Variants in EXOC6 observed in about 807,000 individuals in gnomAD.
EXOC6 encodes exocyst complex component 6.
Under a neutral mutation model 112.5 loss-of-function variants are expected in EXOC6, and 60 were observed. The observed-to-expected ratio is 0.53, with a 90% CI of 0.43 to 0.66. The LOEUF is 0.66. EXOC6 is among the 30% of genes least tolerant of loss of function. EXOC6 has a pLI of 0.00. For missense variants in EXOC6, 855 were observed against 957.1 expected, an observed-to-expected ratio of 0.89 and a Z score of 1.41; for synonymous variants, 295 against 308.0, an observed-to-expected ratio of 0.96 and a Z score of 0.44.
chr10:93,009,411 G>A (rs548915105), intron 19 of EXOC6, among the ~76,000 whole-genome samples: 175 of 152,084 alleles, frequency 1.2e-3, no homozygotes, highest in African/African-American at 4.1e-3. Flanking sequence ...AACTTTCATT[G>A]AATACTCATT....
At chr10:92,832,381 G>A (rs1481403056), upstream of EXOC6, among the ~76,000 whole-genome samples, 1 of 152,144 alleles carries the variant, frequency 6.6e-6, no homozygotes, top group African/African-American at 2.4e-5. Context: ...GGGTTCAAGC[G>A]ATTCGCCTGC....
chr10:92,836,215 T>C (rs775119098), intron 1 of EXOC6, among the ~76,000 whole-genome samples: 15 of 152,212 alleles, frequency 9.9e-5, no homozygotes, highest in Non-Finnish European at 2.2e-4. Flanking sequence ...CTCCCCGGTC[T>C]CACAACACTG....
At chr10:92,955,844 A>G in intron 17 of EXOC6, 130 bp downstream of exon 17, 2 of 754,492 alleles carry the variant, frequency 2.7e-6, no homozygotes, top group Non-Finnish European at 4.1e-6. Flanking sequence ...ATTCATTGTC[A>G]ACAATGAGCA....
intron 18 of EXOC6, among the ~76,000 whole-genome samples, chr10:92,985,212 G>A (rs1842958061): frequency 6.6e-6 from 1 of 151,920 alleles, no homozygotes; most frequent in Non-Finnish European, 1.5e-5. Context: ...CCCTCTGGGT[G>A]GGGGATCATT....
chr10:93,003,478 A>T (rs1308583833), intron 19 of EXOC6, among the ~76,000 whole-genome samples: 9 of 152,020 alleles, frequency 5.9e-5, no homozygotes, highest in Admixed American at 5.9e-4. Flanking sequence ...ATTCCTTGTG[A>T]CGGGTGACAC....
Position 93,046,796 on chromosome 10 carries a change from C to G in EXOC6, c.2170-10128C>G, listed in dbSNP as rs111944980. Among the ~76,000 whole-genome samples, 509 of 152,162 alleles carry G rather than the reference C, an allele frequency of 3.3e-3. 1 individual carries two copies. Among genetic ancestry groups the G allele is most frequent in the Admixed American group, 6.2e-3 (94 of 15,280 alleles). ...ATTTTTAAGTAGAGATGGGGTTTCA[C>G]CATGTTGGCCAGGCTGGTCTTGAAC... On this transcript the variant is annotated intron_variant, in intron 20 of 21. Coordinates refer to ENST00000260762, the MANE Select transcript of EXOC6 (RefSeq NM_019053.6).
intron 18 of EXOC6, among the ~76,000 whole-genome samples, chr10:92,982,912 C>T (rs534972714): frequency 4.6e-5 from 7 of 152,156 alleles, no homozygotes; most frequent in Admixed American, 1.3e-4. Flanking sequence ...TTTTAGTTTC[C>T]ATTAATGATT....
intron 20 of EXOC6, 36 bp from the exon 21 acceptor site, chr10:93,056,888 C>G: frequency 8.2e-7 from 1 of 1,218,746 alleles, no homozygotes; most frequent in South Asian, 1.3e-5. Context: ...GGTAAATAAT[C>G]AAAAGTTGAT....
intron 8 of EXOC6, among the ~76,000 whole-genome samples, chr10:92,921,245 C>CTTTTTTT (rs11443044): frequency 2.5e-4 from 29 of 115,764 alleles, no homozygotes; most frequent in Middle Eastern, 5.7e-3. Flanking sequence ...TTGTCATTTC[C>CTTTTTTT]TTTTTTTTTT....
chr10:92,885,797 C>G (rs960381007), intron 1 of EXOC6, among the ~76,000 whole-genome samples: 17 of 152,146 alleles, frequency 1.1e-4, no homozygotes, highest in African/African-American at 4.1e-4. Context: ...TAACCCCCCC[C>G]TCTTTTTTAC....
chr10:92,911,809 A>G (rs1461802693), intron 6 of EXOC6, among the ~76,000 whole-genome samples: 1 of 152,078 alleles, frequency 6.6e-6, no homozygotes, highest in Non-Finnish European at 1.5e-5. Flanking sequence ...TTTTCCTTAT[A>G]GTGAGAGTTA....
chr10:92,945,394 A>G (rs1233768965), intron 13 of EXOC6, among the ~76,000 whole-genome samples: 2 of 152,138 alleles, frequency 1.3e-5, no homozygotes, highest in African/African-American at 2.4e-5. Context: ...TTTGTCTACT[A>G]TGGCTTTTGT....
rs1368415083 is a variant in EXOC6, at chr10:92,862,060, G to A, written c.101+13426G>A. The stretch of plus-strand genomic sequence containing the variant: ...TTCAGTGACATTTAGTACATTCACA[G>A]TGCTGTGCAGCCATCGTCTCTATCT... On this transcript the variant is annotated intron_variant, in intron 1 of 21. Transcript: ENST00000260762. Among the ~76,000 whole-genome samples the A allele has an allele frequency of 2.6e-5, 4 of 152,146 alleles. No individual in the cohort carries two copies. In the East Asian group the frequency reaches 7.7e-4, roughly 29 times the overall value.
intron 18 of EXOC6, among the ~76,000 whole-genome samples, chr10:92,979,826 G>A (rs1842764608): frequency 6.7e-6 from 1 of 150,368 alleles, no homozygotes; most frequent in East Asian, 2.0e-4. Flanking sequence ...GAGCCCAGGA[G>A]GCGGAGGCTT....
intron 20 of EXOC6, among the ~76,000 whole-genome samples, chr10:93,027,005 C>T (rs1845057338): frequency 1.3e-5 from 2 of 152,080 alleles, no homozygotes; most frequent in East Asian, 1.9e-4. Flanking sequence ...CACCAAACAG[C>T]CAAGGTGTGA....
At chr10:92,987,847 A>G (rs1183650859) in intron 18 of EXOC6, among the ~76,000 whole-genome samples, 3 of 152,136 alleles carry the variant, frequency 2.0e-5, no homozygotes, top group African/African-American at 7.2e-5. Context: ...ACTAGATTGT[A>G]AAAGCACTGC....
chr10:92,948,224 C>CT, intron 13 of EXOC6, 50 bp from the exon 14 acceptor site: 2 of 1,221,400 alleles, frequency 1.6e-6, no homozygotes, highest in East Asian at 4.8e-5. Flanking sequence ...TTTTAGTACT[C>CT]TAATAATATG....
chr10:92,833,222 G>T (rs1018321399), upstream of EXOC6, among the ~76,000 whole-genome samples: 5 of 152,122 alleles, frequency 3.3e-5, no homozygotes, highest in South Asian at 1.0e-3. Flanking sequence ...GTTCAGTTGG[G>T]GCTTGGCTCA....
intron 18 of EXOC6, among the ~76,000 whole-genome samples, chr10:92,993,254 T>G (rs1843344711): frequency 6.6e-6 from 1 of 152,146 alleles, no homozygotes; most frequent in African/African-American, 2.4e-5. Context: ...GTGTATTTCT[T>G]TTTACTTAAG....
Sources: gnomAD v4.1 joint callset for allele counts (sites outside exome capture counted in the v4.1 genomes callset) on GRCh38, gnomAD v4.1.1 for gene constraint, MANE v1.5 for transcripts, NCBI Gene and HGNC (gene_info 2026-07-23, HGNC 2026-07-21) for gene names.